Variants in CFAP44 observed in about 807,000 individuals in gnomAD.
CFAP44 encodes cilia- and flagella-associated protein 44.
A neutral mutation model predicts 216.2 loss-of-function variants in CFAP44; 134 were observed. The observed-to-expected ratio is 0.62, with a 90% CI of 0.54 to 0.72. The LOEUF is 0.72. Among genes scored for constraint, CFAP44 ranks in the 30% least tolerant of loss-of-function variants. The pLI is 0.00. For missense variants in CFAP44, 2,035 were observed against 2,182.1 expected (o/e 0.93, Z 1.34); for synonymous variants, 700 against 727.6 (o/e 0.96, Z 0.61).
At chr3:113,376,880 T>A (rs1933360995) in intron 17 of CFAP44, among the ~76,000 whole-genome samples, 1 of 152,158 alleles carries the variant, frequency 6.6e-6, no homozygotes. Flanking sequence ...AGACAGAAAC[T>A]GATGATACAG....
chr3:113,432,624 A>G (rs1935134851), intron 2 of CFAP44, among the ~76,000 whole-genome samples: 1 of 152,192 alleles, frequency 6.6e-6, no homozygotes, highest in African/African-American at 2.4e-5. Flanking sequence ...TTAAATCTCT[A>G]TCACCACTTG....
At position 113,366,410 on chromosome 3, in the gene CFAP44, T is replaced by C. The variant is rs1932938132; in HGVS notation, c.2445-101A>G. 4 of 1,389,058 alleles carry C rather than the reference T, an allele frequency of 2.9e-6. No individual in the cohort carries two copies. The African/African-American group carries it at 5.8e-5, about 20-fold the overall frequency. 86.0% of individuals were successfully genotyped at this position (1,389,058 alleles called of 1,614,324 possible). A position where few individuals can be genotyped will look rare whatever the true frequency, so the allele number is the denominator to read the frequency against. ...GGCTAAATTAATAACAAAGTTGTTA[T>C]GGACTGAATTGTACACCCCTAAAAT... On this transcript the variant is annotated intron_variant, in intron 18 of 34. Coordinates refer to ENST00000393845, the MANE Select transcript of CFAP44 (RefSeq NM_001164496.2).
chr3:113,375,104 A>C (rs1933299343), intron 17 of CFAP44, among the ~76,000 whole-genome samples: 1 of 152,026 alleles, frequency 6.6e-6, no homozygotes, highest in Non-Finnish European at 1.5e-5. Flanking sequence ...ATACTATATA[A>C]TTTCACTTAT....
chr3:113,352,022 T>C (rs1950449983), intron 22 of CFAP44, among the ~76,000 whole-genome samples: 2 of 152,224 alleles, frequency 1.3e-5, no homozygotes, highest in East Asian at 3.9e-4. Flanking sequence ...GGAGCAGTCA[T>C]TGCCCAATTC....
chr3:113,302,674 T>C (rs1282876042), intron 32 of CFAP44, among the ~76,000 whole-genome samples: 3 of 149,268 alleles, frequency 2.0e-5, no homozygotes, highest in Non-Finnish European at 4.4e-5. Context: ...GGCAGGAGAA[T>C]TGCTTGAGCC....
At chr3:113,392,785 T>C (rs1933880446) in intron 15 of CFAP44, among the ~76,000 whole-genome samples, 3 of 152,122 alleles carry the variant, frequency 2.0e-5, no homozygotes, top group Non-Finnish European at 4.4e-5. Context: ...CCAAGAATAA[T>C]ACGGGAGGAA....
intron 8 of CFAP44, among the ~76,000 whole-genome samples, chr3:113,405,031 A>G (rs554639802): frequency 6.6e-6 from 1 of 152,358 alleles, no homozygotes; most frequent in East Asian, 1.9e-4. Flanking sequence ...ATTTGACTTA[A>G]AAAGTCTTAT....
intron 5 of CFAP44, among the ~76,000 whole-genome samples, chr3:113,419,271 T>A (rs142804587): frequency 6.6e-6 from 1 of 152,262 alleles, no homozygotes; most frequent in East Asian, 1.9e-4. Flanking sequence ...TATTGCCACA[T>A]TATCATGTAC....
chr3:113,308,352 T>C, intron 28 of CFAP44, 84 bp from the exon 29 acceptor site: 1 of 1,115,930 alleles, frequency 9.0e-7, no homozygotes. Context: ...TATTTTTCAA[T>C]GAGTTAGTCA....
Position 113,288,981 on chromosome 3 carries a change from T to C in CFAP44, c.*2576A>G, listed in dbSNP as rs1326137475. ...CCACAAGTAACTCAGTGTAGGCTGA[T>C]TTTTGGCCTTACCCTCAGAGGTGAG... On this transcript the variant is annotated 3_prime_UTR_variant, in exon 35 of 35. Coordinates refer to ENST00000393845, the MANE Select transcript of CFAP44 (RefSeq NM_001164496.2). The C allele has an allele frequency of 1.3e-5, 2 of 152,142 alleles. No individual in the cohort carries two copies. Among genetic ancestry groups the C allele is most frequent in the African/African-American group, 2.4e-5 (1 of 41,438 alleles). The allele number at this position is 152,142 out of a possible 1,614,324, so 9.4% of individuals were successfully genotyped here. A position where few individuals can be genotyped will look rare whatever the true frequency, so the allele number is the denominator to read the frequency against.
intron 28 of CFAP44, among the ~76,000 whole-genome samples, chr3:113,322,705 C>A (rs1004572016): frequency 6.6e-6 from 1 of 152,160 alleles, no homozygotes; most frequent in African/African-American, 2.4e-5. Context: ...AATGAGCCAC[C>A]ATTTGACCCA....
intron 1 of CFAP44, among the ~76,000 whole-genome samples, chr3:113,439,289 T>C (rs892616376): frequency 6.6e-6 from 1 of 152,186 alleles, no homozygotes; most frequent in African/African-American, 2.4e-5. Context: ...TGGGGAAGGC[T>C]ATGAAGAATG....
chr3:113,370,547 C>A (rs1933116936), intron 18 of CFAP44, among the ~76,000 whole-genome samples: 1 of 152,220 alleles, frequency 6.6e-6, no homozygotes. Context: ...ATGCTAAAAA[C>A]TCTCAATAAA....
chr3:113,340,227 T>G (rs917551015), intron 24 of CFAP44, among the ~76,000 whole-genome samples: 2 of 152,238 alleles, frequency 1.3e-5, no homozygotes, highest in African/African-American at 2.4e-5. Flanking sequence ...CTAGGAACAG[T>G]TGGTCTGATT....
chr3:113,336,170 A>T (rs2107815109), intron 24 of CFAP44, among the ~76,000 whole-genome samples: 1 of 152,262 alleles, frequency 6.6e-6, no homozygotes, highest in African/African-American at 2.4e-5. Flanking sequence ...CAAGAAACTA[A>T]AAGCTAATTA....
rs369324621 is a variant in CFAP44, at chr3:113,386,839, C to T, written c.1891-5779G>A. 3.9e-5 allele frequency among the ~76,000 whole-genome samples: 6 copies of T among 152,322 alleles called. No individual in the cohort carries two copies. The East Asian group carries it at 7.7e-4, about 20-fold the overall frequency. Reference sequence around the variant, plus strand: ...ACAGTCTTGAATTGCTGACACCACTCTGGTGGCTGTGTGGCATGAAGAGAT... The same window carrying T: ...ACAGTCTTGAATTGCTGACACCACTTTGGTGGCTGTGTGGCATGAAGAGAT... On this transcript the variant is annotated intron_variant, in intron 15 of 34. Coordinates refer to ENST00000393845, the MANE Select transcript of CFAP44 (RefSeq NM_001164496.2).
At chr3:113,328,696 T>TAAAAAAAAAAAAA (rs58650082) in intron 26 of CFAP44, among the ~76,000 whole-genome samples, 17 of 28,506 alleles carry the variant, frequency 6.0e-4, no homozygotes, top group Non-Finnish European at 7.3e-4. Flanking sequence ...TTAGAGAGCT[T>TAAAAAAAAAAAAA]AAAAAAAAAA....
intron 19 of CFAP44, among the ~76,000 whole-genome samples, chr3:113,364,809 T>C (rs1165387443): frequency 6.6e-6 from 1 of 152,154 alleles, no homozygotes; most frequent in Non-Finnish European, 1.5e-5. Context: ...TCTAATTTAA[T>C]TGTTCTTGGG....
chr3:113,400,676 A>C, intron 11 of CFAP44, 32 bp from the exon 12 acceptor site: 912 of 1,538,984 alleles, frequency 5.9e-4, no homozygotes, highest in Non-Finnish European at 7.5e-4. Flanking sequence ...ACTAGATCTC[A>C]AAGACAGAGT....
Sources: allele counts gnomAD v4.1 joint callset (sites outside exome capture counted in the v4.1 genomes callset), GRCh38; gene constraint gnomAD v4.1.1; transcripts MANE v1.5; gene names NCBI Gene and HGNC (gene_info 2026-07-23, HGNC 2026-07-21).